SLC24A2: variants seen among roughly 807,000 people sequenced by gnomAD.
SLC24A2 encodes sodium/potassium/calcium exchanger 2.
In SLC24A2, 36 loss-of-function variants were observed where a neutral mutation model predicts 62.0. The ratio of observed to expected loss-of-function variants is 0.58; its 90% CI spans 0.44 to 0.77. The LOEUF is 0.77. Ranked by LOEUF, SLC24A2 falls within the 30% of genes least tolerant of loss-of-function variation. SLC24A2 has a pLI of 0.00. For synonymous variants in SLC24A2, 358 were observed against 294.0 expected (o/e 1.22, Z -2.23); for missense variants, 846 against 817.9 (o/e 1.03, Z -0.42).
chr9:19,525,765 GTTTTT>G (rs71496823), intron 9 of SLC24A2, among the ~76,000 whole-genome samples: 6 of 99,138 alleles, frequency 6.1e-5, no homozygotes, highest in East Asian at 3.1e-4. Flanking sequence ...ACATGCTACT[GTTTTT>G]TTTTTTTTTT....
chr9:20,103,293 C>T, the SLC24A2 span, among the ~76,000 whole-genome samples: 2 of 152,206 alleles, frequency 1.3e-5, no homozygotes, highest in Admixed American at 1.3e-4. Flanking sequence ...AAAAAGGCAG[C>T]AGTAACCTCT....
chr9:19,870,649 C>T, the SLC24A2 span, among the ~76,000 whole-genome samples: 1 of 152,202 alleles, frequency 6.6e-6, no homozygotes, highest in East Asian at 1.9e-4. Context: ...ATTCTAGTTT[C>T]TAAACATTCT....
At chr9:19,815,696 A>G in the SLC24A2 span, among the ~76,000 whole-genome samples, 1 of 152,130 alleles carries the variant, frequency 6.6e-6, no homozygotes, top group Non-Finnish European at 1.5e-5. Context: ...GATATAACAC[A>G]TTTTAAATTC....
At chr9:19,922,338 T>C in the SLC24A2 span, among the ~76,000 whole-genome samples, 3 of 152,118 alleles carry the variant, frequency 2.0e-5, no homozygotes, top group African/African-American at 4.8e-5. Flanking sequence ...GGAATTCCTA[T>C]GATGTTTTTT....
the SLC24A2 span, among the ~76,000 whole-genome samples, chr9:20,124,948 T>A: frequency 6.6e-6 from 1 of 152,184 alleles, no homozygotes; most frequent in Non-Finnish European, 1.5e-5. Context: ...TAGCACCTTG[T>A]TATGGTAGAA....
chr9:20,105,101 A>G, the SLC24A2 span, among the ~76,000 whole-genome samples: 1 of 152,350 alleles, frequency 6.6e-6, no homozygotes, highest in African/African-American at 2.4e-5. Context: ...GAGACAAAGA[A>G]GGCCATTACA....
the SLC24A2 span, among the ~76,000 whole-genome samples, chr9:20,272,898 T>C: frequency 1.3e-5 from 2 of 152,140 alleles, no homozygotes; most frequent in Non-Finnish European, 2.9e-5. Flanking sequence ...GGTGATATCC[T>C]TAGGTGTTGC....
chr9:20,240,784 A>G, the SLC24A2 span, among the ~76,000 whole-genome samples: 1 of 152,144 alleles, frequency 6.6e-6, no homozygotes. Flanking sequence ...GAGGGCTTCT[A>G]AGAAGAGGTT....
chr9:20,079,623 T>C, the SLC24A2 span, among the ~76,000 whole-genome samples: 1 of 152,238 alleles, frequency 6.6e-6, no homozygotes, highest in Non-Finnish European at 1.5e-5. Context: ...GCAGTATACA[T>C]ATATCTTCAT....
chr9:19,826,388 T>G, the SLC24A2 span, among the ~76,000 whole-genome samples: 1 of 152,140 alleles, frequency 6.6e-6, no homozygotes, highest in African/African-American at 2.4e-5. Context: ...CAGCAAGATC[T>G]TCTGGGACTT....
intron 8 of SLC24A2, among the ~76,000 whole-genome samples, chr9:19,539,322 G>A (rs1345589852): frequency 1.5e-5 from 2 of 136,322 alleles, no homozygotes; most frequent in Non-Finnish European, 1.6e-5. Context: ...GATCTTTCCT[G>A]CTTTCTCTTG....
the SLC24A2 span, among the ~76,000 whole-genome samples, chr9:20,295,999 C>T: frequency 6.6e-6 from 1 of 152,190 alleles, no homozygotes; most frequent in Non-Finnish European, 1.5e-5. Context: ...TTCTTTCTTA[C>T]TGCATTCCTT....
chr9:19,975,916 G>GTTTGTTTGTTTGT, the SLC24A2 span, among the ~76,000 whole-genome samples: 1 of 151,964 alleles, frequency 6.6e-6, no homozygotes, highest in Non-Finnish European at 1.5e-5. Flanking sequence ...TTGTTTGTTT[G>GTTTGTTTGTTTGT]TTTTTTTGAG....
the SLC24A2 span, among the ~76,000 whole-genome samples, chr9:19,946,757 AG>A: frequency 1.3e-5 from 2 of 152,234 alleles, no homozygotes; most frequent in Non-Finnish European, 2.9e-5. Flanking sequence ...GCAGATTAAA[AG>A]AAAGAAAACA....
At chr9:19,683,384 C>T (rs138277831) in intron 2 of SLC24A2, among the ~76,000 whole-genome samples, 6 of 152,120 alleles carry the variant, frequency 3.9e-5, no homozygotes, top group African/African-American at 7.2e-5. Flanking sequence ...GGATGTTGAG[C>T]GGTATCTTGA....
At position 19,543,617 on chromosome 9, in the gene SLC24A2, T is replaced by C. The variant is rs560501516; in HGVS notation, c.1479+6520A>G. ...CAGTGCTTTAAATGTGTCCCAGAGA[T>C]TGTACGTTGTGTTGTTAGTTCTCAT... On this transcript the variant is annotated intron_variant, in intron 8 of 10. Coordinates refer to ENST00000341998, the MANE Select transcript of SLC24A2 (RefSeq NM_020344.4). Among the ~76,000 whole-genome samples, 4 of 152,328 alleles carry C rather than the reference T, an allele frequency of 2.6e-5. No homozygotes were observed. In the South Asian group the frequency reaches 6.2e-4, roughly 24 times the overall value.
the SLC24A2 span, among the ~76,000 whole-genome samples, chr9:19,910,362 T>G: frequency 3.9e-5 from 6 of 152,292 alleles, no homozygotes; most frequent in South Asian, 8.3e-4. Flanking sequence ...ATACTGGCCT[T>G]AATCACCTTT....
the SLC24A2 span, among the ~76,000 whole-genome samples, chr9:20,137,074 ATAG>A: frequency 6.6e-6 from 1 of 152,178 alleles, no homozygotes; most frequent in African/African-American, 2.4e-5. Context: ...TGTGAGGCAC[ATAG>A]TAAGTATGGT....
intron 10 of SLC24A2, among the ~76,000 whole-genome samples, chr9:19,517,957 A>ACTCT (rs71335435): frequency 1.7e-4 from 23 of 135,584 alleles, no homozygotes; most frequent in African/African-American, 6.2e-4. Flanking sequence ...ACACACACAC[A>ACTCT]CTCTCACACT....
Sources: gnomAD v4.1 joint callset for allele counts (sites outside exome capture counted in the v4.1 genomes callset) on GRCh38, gnomAD v4.1.1 for gene constraint, MANE v1.5 for transcripts, NCBI Gene and HGNC (gene_info 2026-07-23, HGNC 2026-07-21) for gene names.